NR1H4: variants seen among roughly 807,000 people sequenced by gnomAD.
NR1H4 encodes the protein nuclear receptor subfamily 1 group H member 4.
In NR1H4, 23 loss-of-function variants were observed where a neutral mutation model predicts 58.5. That is an observed-to-expected ratio of 0.39 (90% CI 0.28 to 0.56). The LOEUF is 0.56. Among genes scored for constraint, NR1H4 ranks in the 20% least tolerant of loss-of-function variants. The pLI is 0.58. For synonymous variants in NR1H4, 214 were observed against 198.0 expected, an observed-to-expected ratio of 1.08 and a Z score of -0.68; for missense variants, 487 against 576.9, an observed-to-expected ratio of 0.84 and a Z score of 1.60.
At chr12:100,551,960 C>T (rs1412582091) in intron 9 of NR1H4, among the ~76,000 whole-genome samples, 1 of 152,068 alleles carries the variant, frequency 6.6e-6, no homozygotes, top group East Asian at 1.9e-4. Flanking sequence ...GGAATAATGA[C>T]AAGAAAAAAG....
intron 9 of NR1H4, among the ~76,000 whole-genome samples, chr12:100,556,024 A>C (rs1955314512): frequency 6.6e-6 from 1 of 152,224 alleles, no homozygotes; most frequent in Non-Finnish European, 1.5e-5. Flanking sequence ...GGGTCAATTA[A>C]AAAATCAAAG....
At chr12:100,539,260 T>C (rs1954882717) in intron 8 of NR1H4, among the ~76,000 whole-genome samples, 1 of 152,022 alleles carries the variant, frequency 6.6e-6, no homozygotes, top group Admixed American at 6.6e-5. Flanking sequence ...AGGAAAAAAA[T>C]TGACAATAAT....
At position 100,525,802 on chromosome 12, in the gene NR1H4, A is replaced by T. The variant is rs1053290200; in HGVS notation, c.446-6656A>T. ...TTTTAGGTTATTCATTATTGATTCA[A>T]TTTCTTTAATAGTATAGGCCTATTT... On this transcript the variant is annotated intron_variant, in intron 4 of 10. Coordinates refer to ENST00000392986, the MANE Select transcript of NR1H4 (RefSeq NM_001206979.2). Among the ~76,000 whole-genome samples the T allele has an allele frequency of 2.6e-5, 4 of 152,122 alleles. No homozygotes were observed. The South Asian group carries it at 6.2e-4, about 24-fold the overall frequency.
chr12:100,474,301 C>T (rs1032667527), intron 1 of NR1H4, among the ~76,000 whole-genome samples: 1 of 152,184 alleles, frequency 6.6e-6, no homozygotes, highest in Non-Finnish European at 1.5e-5. Flanking sequence ...TTTAGAAATA[C>T]TCTTTTAACA....
Position 100,514,378 on chromosome 12 carries a change from T to A in NR1H4, c.445+3235T>A, listed in dbSNP as rs182414632. 1.1e-4 allele frequency among the ~76,000 whole-genome samples: 16 copies of A among 152,334 alleles called. No individual in the cohort carries two copies. The East Asian group carries it at 3.1e-3, about 29-fold the overall frequency. On this transcript the variant is annotated intron_variant, in intron 4 of 10. Transcript: ENST00000392986. Reference sequence around the variant, plus strand: ...AATTTCATAAGTTAAAAAGTGACTATAATTCATGTACTCCCTCCTGTTGCT... The same window carrying A: ...AATTTCATAAGTTAAAAAGTGACTAAAATTCATGTACTCCCTCCTGTTGCT...
chr12:100,488,228 G>A (rs935716837), intron 1 of NR1H4, among the ~76,000 whole-genome samples: 1 of 152,026 alleles, frequency 6.6e-6, no homozygotes, highest in Admixed American at 6.6e-5. Flanking sequence ...TTGAACTCCC[G>A]ACCTCAAGTA....
intron 4 of NR1H4, among the ~76,000 whole-genome samples, chr12:100,514,001 G>A (rs184090903): frequency 2.0e-5 from 3 of 152,220 alleles, no homozygotes; most frequent in Admixed American, 6.5e-5. Flanking sequence ...CTTTATAGTA[G>A]CTCTAGTCAA....
intron 9 of NR1H4, among the ~76,000 whole-genome samples, chr12:100,548,166 G>C (rs1955121795): frequency 6.7e-6 from 1 of 149,228 alleles, no homozygotes; most frequent in African/African-American, 2.5e-5. Context: ...AGGAGATTGA[G>C]ACCATCCTGG....
intron 1 of NR1H4, among the ~76,000 whole-genome samples, chr12:100,488,568 A>G (rs1233673972): frequency 6.6e-6 from 1 of 152,250 alleles, no homozygotes; most frequent in African/African-American, 2.4e-5. Flanking sequence ...ATATGATAAA[A>G]TGACCAATAA....
chr12:100,533,902 T>G (rs553781141), intron 5 of NR1H4, among the ~76,000 whole-genome samples: 121 of 151,994 alleles, frequency 8.0e-4, no homozygotes, highest in African/African-American at 1.6e-3. Flanking sequence ...TTTTTTTTTT[T>G]TTGTTGAGAC....
intron 10 of NR1H4, 63 bp from the exon 11 acceptor site, chr12:100,563,188 T>C: frequency 8.0e-7 from 1 of 1,251,318 alleles, no homozygotes; most frequent in Non-Finnish European, 1.2e-6. Flanking sequence ...GTTGCTATAA[T>C]TATGCTGAAT....
At chr12:100,504,303 A>AT in intron 3 of NR1H4, among the ~76,000 whole-genome samples, 1 of 152,212 alleles carries the variant, frequency 6.6e-6, no homozygotes. Context: ...AACTCGAGTC[A>AT]TTTTTATAAT....
At chr12:100,517,075 C>T (rs1954287069) in intron 4 of NR1H4, among the ~76,000 whole-genome samples, 1 of 152,134 alleles carries the variant, frequency 6.6e-6, no homozygotes, top group Admixed American at 6.5e-5. Context: ...TTGAAATACA[C>T]AGTACATTAT....
In NR1H4 at chr12:100,500,058, G is replaced by A. The variant is rs78512893; in HGVS notation, c.79+6656G>A. 11 of 413,532 alleles carry A rather than the reference G, an allele frequency of 2.7e-5. No individual in the cohort carries two copies. In the Admixed American group the frequency reaches 3.1e-4, roughly 12 times the overall value. 25.6% of individuals were successfully genotyped at this position (413,532 alleles called of 1,614,324 possible). On this transcript the variant is annotated intron_variant, in intron 3 of 10. Coordinates refer to ENST00000392986, the MANE Select transcript of NR1H4 (RefSeq NM_001206979.2). ...CATTACTGTTCCCCTTTTATGGTGA[G>A]AAAAGGAATATTTAGTGATGTTAAA...
intron 1 of NR1H4, among the ~76,000 whole-genome samples, chr12:100,477,601 T>G (rs1953297898): frequency 6.6e-6 from 1 of 152,176 alleles, no homozygotes; most frequent in Non-Finnish European, 1.5e-5. Context: ...TGGTAAATAA[T>G]GTAGTTGTGC....
At chr12:100,478,570 T>G (rs142679584) in intron 1 of NR1H4, among the ~76,000 whole-genome samples, 1 of 152,334 alleles carries the variant, frequency 6.6e-6, no homozygotes, top group East Asian at 1.9e-4. Flanking sequence ...CTAGCCCTAT[T>G]CTCCTCTACT....
intron 1 of NR1H4, among the ~76,000 whole-genome samples, chr12:100,481,751 A>G (rs1443377517): frequency 1.3e-5 from 2 of 151,914 alleles, no homozygotes; most frequent in Non-Finnish European, 2.9e-5. Flanking sequence ...CATCTCTACT[A>G]AAAATACAAA....
intron 1 of NR1H4, among the ~76,000 whole-genome samples, chr12:100,480,455 C>T (rs1246745884): frequency 2.0e-5 from 3 of 152,146 alleles, no homozygotes; most frequent in Non-Finnish European, 2.9e-5. Flanking sequence ...AGTTTAGAAA[C>T]ATTTCTATCT....
chr12:100,542,663 A>G (rs1431834091), intron 9 of NR1H4, among the ~76,000 whole-genome samples: 1 of 152,202 alleles, frequency 6.6e-6, no homozygotes, highest in African/African-American at 2.4e-5. Flanking sequence ...TTTAAAACCG[A>G]TATTTTAAGA....
Sources: gnomAD v4.1 joint callset for allele counts (sites outside exome capture counted in the v4.1 genomes callset) on GRCh38, gnomAD v4.1.1 for gene constraint, MANE v1.5 for transcripts, NCBI Gene and HGNC (gene_info 2026-07-23, HGNC 2026-07-21) for gene names.